The following SIAH2 variants were observed in gnomAD, a reference collection of about 807,000 sequenced individuals.
The protein encoded by SIAH2 is E3 ubiquitin-protein ligase SIAH2.
SIAH2 carries 4 observed loss-of-function variants against 20.4 expected under a neutral mutation model. The ratio of observed to expected loss-of-function variants is 0.20; its 90% confidence interval spans 0.10 to 0.45. The LOEUF (loss-of-function observed/expected upper bound fraction) is 0.45, where lower values mean the gene tolerates loss of function less well. Among genes scored for constraint, SIAH2 ranks in the 20% least tolerant of loss-of-function variants. SIAH2 has a pLI of 0.99. For missense variants in SIAH2, 259 were observed against 440.3 expected (o/e 0.59, Z 3.69); for synonymous variants, 171 against 192.5 (o/e 0.89, Z 0.93).
Position 150,741,887 on chromosome 3 carries a change from G to T in SIAH2, c.*254C>A. 2.2e-6 allele frequency: 1 copy of T among 446,138 alleles called. No individual in the cohort carries two copies. The highest frequency in any genetic ancestry group is 4.0e-6 in the Non-Finnish European group (1 of 248,220). The allele number at this position is 446,138 out of a possible 1,614,324, so 27.6% of individuals were successfully genotyped here. A position where few individuals can be genotyped will look rare whatever the true frequency, so the allele number is the denominator to read the frequency against. Reference sequence around the variant, plus strand: ...GCAACAGCCTGTCAAGTGTTGTTTAGGGAGTAAATACAATTCAATAAGAGT... The same window carrying T: ...GCAACAGCCTGTCAAGTGTTGTTTATGGAGTAAATACAATTCAATAAGAGT... On this transcript the variant is annotated 3_prime_UTR_variant, in exon 2 of 2. Transcript: ENST00000312960.
At position 150,742,058 on chromosome 3, in the gene SIAH2, A is replaced by G; in HGVS notation, c.*83T>C. 3.1e-6 allele frequency: 4 copies of G among 1,300,958 alleles called. No homozygotes were observed. The highest frequency in any genetic ancestry group is 4.3e-6 in the Non-Finnish European group (4 of 939,108). The allele number at this position is 1,300,958 out of a possible 1,614,324, so 80.6% of individuals were successfully genotyped here. Reference sequence around the variant, plus strand: ...ATTGTGGGTCCTGACTTGTGAAGACATATGGAATAAAACATCTATAAAAAC... The same window carrying G: ...ATTGTGGGTCCTGACTTGTGAAGACGTATGGAATAAAACATCTATAAAAAC... On this transcript the variant is annotated 3_prime_UTR_variant, in exon 2 of 2. Transcript: ENST00000312960. This position sits in a 1 kb window ranked among gnomAD's most constrained non-coding sequence, Gnocchi z 4.8.
At chr3:150,755,559 A>G (rs548266372) in intron 1 of SIAH2, among the ~76,000 whole-genome samples, 4 of 152,074 alleles carry the variant, frequency 2.6e-5, no homozygotes, top group African/African-American at 9.6e-5. Context: ...CTTGTTGCCC[A>G]GGCTGGAGTG....
chr3:150,751,143 A>G (rs952418660), intron 1 of SIAH2, among the ~76,000 whole-genome samples: 5 of 152,182 alleles, frequency 3.3e-5, no homozygotes, highest in African/African-American at 1.2e-4. Context: ...GTGTGAAGAG[A>G]TAATCAGGCC....
At chr3:150,753,664 T>C (rs1292276356) in intron 1 of SIAH2, among the ~76,000 whole-genome samples, 1 of 152,100 alleles carries the variant, frequency 6.6e-6, no homozygotes, top group African/African-American at 2.4e-5. Flanking sequence ...CCTGATGGTG[T>C]GTGCCTGTAA....
intron 1 of SIAH2, among the ~76,000 whole-genome samples, chr3:150,748,236 G>C (rs190862007): frequency 8.5e-5 from 13 of 152,132 alleles, no homozygotes; most frequent in African/African-American, 3.1e-4. Context: ...TTTAGGCAGG[G>C]TTTTTCCCTT....
intron 1 of SIAH2, among the ~76,000 whole-genome samples, chr3:150,744,045 G>C (rs1030563743): frequency 4.0e-5 from 6 of 149,694 alleles, no homozygotes; most frequent in African/African-American, 1.5e-4. Context: ...TGCTGTTTTT[G>C]CTTCTCTCTA....
At chr3:150,756,021 T>C (rs980684033) in intron 1 of SIAH2, among the ~76,000 whole-genome samples, 7 of 152,198 alleles carry the variant, frequency 4.6e-5, no homozygotes, top group African/African-American at 7.2e-5. Flanking sequence ...TTTTATTCCA[T>C]AGATGCTACA....
intron 1 of SIAH2, among the ~76,000 whole-genome samples, chr3:150,751,372 C>T (rs904495110): frequency 1.3e-5 from 2 of 151,712 alleles, no homozygotes; most frequent in East Asian, 1.9e-4. Flanking sequence ...TACAGTGAGC[C>T]GAGATTACGC....
chr3:150,743,808 G>C (rs535935089), intron 1 of SIAH2, among the ~76,000 whole-genome samples: 1 of 152,204 alleles, frequency 6.6e-6, no homozygotes, highest in South Asian at 2.1e-4. Flanking sequence ...CACCTGCCCT[G>C]AGTACTAAGC....
intron 1 of SIAH2, among the ~76,000 whole-genome samples, chr3:150,758,366 C>G (rs760551658): frequency 6.6e-6 from 1 of 151,820 alleles, no homozygotes; most frequent in Non-Finnish European, 1.5e-5. Context: ...TGGCTGATAT[C>G]AAAATACATC....
In SIAH2 at chr3:150,742,009, T is replaced by C; in HGVS notation, c.*132A>G. On this transcript the variant is annotated 3_prime_UTR_variant, in exon 2 of 2. Coordinates refer to ENST00000312960, the MANE Select transcript of SIAH2 (RefSeq NM_005067.7). This position sits in a 1 kb window ranked among gnomAD's most constrained non-coding sequence, Gnocchi z 4.8. ...GTTGGGTCGAAGCCAGATGGGACAC[T>C]GCTGTTCAAACAAAACACGGGTAAT... The C allele has an allele frequency of 1.1e-6, 1 of 879,186 alleles. No individual in the cohort carries two copies. Among genetic ancestry groups the C allele is most frequent in the Non-Finnish European group, 1.7e-6 (1 of 576,558 alleles). 54.5% of individuals were successfully genotyped at this position (879,186 alleles called of 1,614,324 possible).
At chr3:150,760,635 G>T (rs1714585919) in intron 1 of SIAH2, among the ~76,000 whole-genome samples, 1 of 152,150 alleles carries the variant, frequency 6.6e-6, no homozygotes, top group Non-Finnish European at 1.5e-5. Context: ...AACAAATTAT[G>T]GATTACTGAC....
rs114017514 is a variant in SIAH2 at position 150,752,658 on chromosome 3, G to A, written c.417+9775C>T. ...AATAAAAATACAAGATGTCTCTCAG[G>A]CAATGTTTGGAATATACTTATTATT... On this transcript the variant is annotated intron_variant, in intron 1 of 1. Coordinates refer to ENST00000312960, the MANE Select transcript of SIAH2 (RefSeq NM_005067.7). Among the ~76,000 whole-genome samples the A allele has an allele frequency of 6.9e-3, 1,043 of 152,016 alleles. 16 individuals are homozygous for A. The highest frequency in any genetic ancestry group is 0.023 in the African/African-American group (972 of 41,482).
chr3:150,745,393 T>A (rs1714188725), intron 1 of SIAH2, among the ~76,000 whole-genome samples: 1 of 152,150 alleles, frequency 6.6e-6, no homozygotes, highest in Non-Finnish European at 1.5e-5. Flanking sequence ...GAGGGAGGAC[T>A]TTAGTAGTTT....
At chr3:150,750,709 T>C (rs1714338475) in intron 1 of SIAH2, among the ~76,000 whole-genome samples, 1 of 152,206 alleles carries the variant, frequency 6.6e-6, no homozygotes, top group Non-Finnish European at 1.5e-5. Flanking sequence ...TGAGCCACCA[T>C]GCCTGGCAGT....
rs571078621 is a variant in SIAH2 at position 150,757,231 on chromosome 3, C to T, written c.417+5202G>A. ...CCCAGGTCTTCTGTTTCCTGGCTCA[C>T]GTTCTTTTCACTGGGACCGCTTACT... On this transcript the variant is annotated intron_variant, in intron 1 of 1. Transcript: ENST00000312960. Among the ~76,000 whole-genome samples, 8 of 152,246 alleles carry T rather than the reference C, an allele frequency of 5.3e-5. No homozygotes were observed. In the South Asian group the frequency reaches 1.7e-3, roughly 32 times the overall value.
At chr3:150,759,151 G>C (rs1278790882) in intron 1 of SIAH2, among the ~76,000 whole-genome samples, 1 of 152,110 alleles carries the variant, frequency 6.6e-6, no homozygotes, top group African/African-American at 2.4e-5. Context: ...CAAAGTGCTG[G>C]GATTACAGGC....
At chr3:150,752,348 C>T (rs1325532891) in intron 1 of SIAH2, among the ~76,000 whole-genome samples, 2 of 152,242 alleles carry the variant, frequency 1.3e-5, no homozygotes, top group East Asian at 3.8e-4. Flanking sequence ...GTGGCTCACG[C>T]CTGTAATCCC....
Position 150,763,081 on chromosome 3 carries a change from CCCT to C in SIAH2, c.-235_-233del, listed in dbSNP as rs1714665491. The C allele has an allele frequency of 4.2e-6, 1 of 237,016 alleles. No individual in the cohort carries two copies. Among genetic ancestry groups the C allele is most frequent in the Non-Finnish European group, 7.1e-6 (1 of 139,878 alleles). The allele number at this position is 237,016 out of a possible 1,614,324, so 14.7% of individuals were successfully genotyped here. A position where few individuals can be genotyped will look rare whatever the true frequency, so the allele number is the denominator to read the frequency against. On this transcript the variant is annotated 5_prime_UTR_variant, in exon 1 of 2. Transcript: ENST00000312960. The surrounding 1 kb of genome is among the most constrained non-coding windows in gnomAD (Gnocchi z 4.1). ...CCTCCGCGTCGGACCCCGCGCGGTG[CCCT>C]CCTCCCGGCGGCGTCCCGGGCCCCG...
Sources: gnomAD v4.1 joint callset for allele counts (sites outside exome capture counted in the v4.1 genomes callset) on GRCh38, gnomAD v4.1.1 for gene constraint, Gnocchi (gnomAD v3.1) non-coding constraint, MANE v1.5 for transcripts, NCBI Gene and HGNC (gene_info 2026-07-23, HGNC 2026-07-21) for gene names.